Variants in WDR37 observed in about 807,000 individuals in gnomAD.
The protein encoded by WDR37 is WD repeat domain 37, also known as WD repeat-containing protein 37.
A neutral mutation model predicts 62.9 loss-of-function variants in WDR37; 19 were observed. The ratio of observed to expected loss-of-function variants is 0.30; its 90% CI spans 0.21 to 0.44. WDR37 has a LOEUF of 0.44. Among genes scored for constraint, WDR37 ranks in the 20% least tolerant of loss-of-function variants. The pLI is 1.00. For missense variants in WDR37, 474 were observed against 657.6 expected (o/e 0.72, Z 3.05); for synonymous variants, 250 against 260.9 (o/e 0.96, Z 0.40).
chr10:1,070,381 A>G (rs1048200070), intron 1 of WDR37, among the ~76,000 whole-genome samples: 8 of 152,196 alleles, frequency 5.3e-5, no homozygotes, highest in African/African-American at 1.9e-4. Flanking sequence ...AAAAAGTTTT[A>G]ATAACAAAAT....
chr10:1,074,539 C>A, intron 2 of WDR37: 1 of 1,303,566 alleles, frequency 7.7e-7, no homozygotes, highest in South Asian at 1.2e-5. Flanking sequence ...GCTCTGCCTT[C>A]CCCCTGCCCT....
intron 6 of WDR37, among the ~76,000 whole-genome samples, chr10:1,085,725 G>A (rs1834178915): frequency 6.6e-6 from 1 of 152,072 alleles, no homozygotes; most frequent in Admixed American, 6.6e-5. Context: ...GCCTTGGATT[G>A]CTTTGGAAAT....
intron 13 of WDR37, 52 bp from the exon 14 acceptor site, chr10:1,129,161 A>G: frequency 1.2e-6 from 2 of 1,600,848 alleles, no homozygotes; most frequent in Non-Finnish European, 8.5e-7. Context: ...AGGTCTTATA[A>G]TCTTACTTTC....
intron 5 of WDR37, among the ~76,000 whole-genome samples, chr10:1,083,888 C>G (rs1222373185): frequency 6.6e-6 from 1 of 152,240 alleles, no homozygotes; most frequent in Non-Finnish European, 1.5e-5. Flanking sequence ...TTTGATTCCT[C>G]CCCACCACAG....
intron 7 of WDR37, among the ~76,000 whole-genome samples, chr10:1,092,546 A>G (rs924496580): frequency 9.2e-5 from 14 of 151,448 alleles, no homozygotes; most frequent in African/African-American, 3.4e-4. Context: ...AATTTTTTGT[A>G]TTTTTAGTAG....
intron 1 of WDR37, among the ~76,000 whole-genome samples, chr10:1,066,771 T>G (rs1451734808): frequency 6.6e-6 from 1 of 152,220 alleles, no homozygotes; most frequent in Admixed American, 6.5e-5. Flanking sequence ...TTGGGCAATT[T>G]ACAAAGGAAA....
intron 1 of WDR37, among the ~76,000 whole-genome samples, chr10:1,060,465 T>G (rs1184382340): frequency 6.6e-6 from 1 of 152,220 alleles, no homozygotes; most frequent in Non-Finnish European, 1.5e-5. Flanking sequence ...AATGTTTTAT[T>G]GAAAACCAGA....
intron 1 of WDR37, among the ~76,000 whole-genome samples, chr10:1,068,318 A>G (rs1833616670): frequency 7.6e-6 from 1 of 130,922 alleles, no homozygotes. Flanking sequence ...CGTCTCTACT[A>G]AAAATACAAA....
At chr10:1,106,120 G>A (rs1431218077) in intron 11 of WDR37, among the ~76,000 whole-genome samples, 2 of 152,108 alleles carry the variant, frequency 1.3e-5, no homozygotes, top group Non-Finnish European at 2.9e-5. Flanking sequence ...AGTTCTTTCC[G>A]TGACCGTCTC....
chr10:1,073,166 A>G (rs1163754417), intron 2 of WDR37, among the ~76,000 whole-genome samples: 1 of 152,194 alleles, frequency 6.6e-6, no homozygotes. Context: ...TAGACGCAGT[A>G]TATTTATATT....
At chr10:1,087,703 G>A (rs1834247587) in intron 7 of WDR37, among the ~76,000 whole-genome samples, 1 of 152,172 alleles carries the variant, frequency 6.6e-6, no homozygotes, top group South Asian at 2.1e-4. Context: ...TGGAGGACAG[G>A]TAGAGGAGAT....
At chr10:1,124,176 T>C (rs1835670350) in intron 11 of WDR37, 42 bp from the exon 12 acceptor site, 8 of 1,612,760 alleles carry the variant, frequency 5.0e-6, no homozygotes, top group Non-Finnish European at 6.8e-6. Context: ...TGTCACGTCC[T>C]GCACCTGCTG....
chr10:1,123,209 G>T (rs1206650986), intron 11 of WDR37, among the ~76,000 whole-genome samples: 1 of 152,172 alleles, frequency 6.6e-6, no homozygotes, highest in East Asian at 1.9e-4. Flanking sequence ...TTCCAAGAGT[G>T]GTTGTGATGT....
At chr10:1,079,339 C>T (rs866879611) in intron 3 of WDR37, among the ~76,000 whole-genome samples, 4 of 151,552 alleles carry the variant, frequency 2.6e-5, no homozygotes, top group Middle Eastern at 6.8e-3. Context: ...CCTGCCTCGG[C>T]CTCCAAAATT....
intron 9 of WDR37, among the ~76,000 whole-genome samples, chr10:1,101,490 T>TC (rs1834800937): frequency 1.3e-5 from 2 of 152,162 alleles, no homozygotes; most frequent in South Asian, 4.1e-4. Context: ...AGCCCCTTTC[T>TC]CCAAACAGCC....
chr10:1,074,641 C>A, intron 2 of WDR37: 1 of 738,768 alleles, frequency 1.4e-6, no homozygotes, highest in Non-Finnish European at 2.0e-6. Context: ...ACGCGTTTGG[C>A]ATGGTAGGTG....
intron 1 of WDR37, among the ~76,000 whole-genome samples, chr10:1,059,531 G>T (rs1053665015): frequency 6.6e-6 from 1 of 152,058 alleles, no homozygotes; most frequent in Non-Finnish European, 1.5e-5. Flanking sequence ...AGGCGCAGTG[G>T]CTCATGCCTG....
At chr10:1,129,161 A>T (rs1589130687) in intron 13 of WDR37, 52 bp from the exon 14 acceptor site, 28 of 1,600,730 alleles carry the variant, frequency 1.7e-5, no homozygotes, top group African/African-American at 2.7e-5. Flanking sequence ...AGGTCTTATA[A>T]TCTTACTTTC....
At chr10:1,113,198 G>A (rs1788282960) in intron 11 of WDR37, among the ~76,000 whole-genome samples, 1 of 152,220 alleles carries the variant, frequency 6.6e-6, no homozygotes, top group South Asian at 2.1e-4. Context: ...TACTCTGCCT[G>A]TGCTCTATAA....
Sources: allele counts gnomAD v4.1 joint callset (sites outside exome capture counted in the v4.1 genomes callset), GRCh38; gene constraint gnomAD v4.1.1; transcripts MANE v1.5; gene names NCBI Gene and HGNC (gene_info 2026-07-23, HGNC 2026-07-21).